The following COG6 variants were observed in gnomAD, a reference collection of about 807,000 sequenced individuals.
COG6 encodes the protein conserved oligomeric Golgi complex subunit 6.
In COG6, 74 loss-of-function variants were observed where a neutral mutation model predicts 88.8. That is an observed-to-expected ratio of 0.83 (90% CI 0.69 to 1.01). The LOEUF is 1.01. Ranked by LOEUF, COG6 falls within the 50% of genes least tolerant of loss-of-function variation. The pLI is 0.00. For missense variants in COG6, 800 were observed against 797.9 expected (o/e 1.00, Z -0.03); for synonymous variants, 286 against 278.7 (o/e 1.03, Z -0.26).
At chr13:39,749,889 A>C (rs1880529984) in intron 18 of COG6, among the ~76,000 whole-genome samples, 1 of 152,166 alleles carries the variant, frequency 6.6e-6, no homozygotes, top group South Asian at 2.1e-4. Flanking sequence ...GGTAAGAGAG[A>C]GATGTGATAG....
intron 7 of COG6, among the ~76,000 whole-genome samples, chr13:39,680,529 A>C (rs1876248827): frequency 6.6e-6 from 1 of 152,252 alleles, no homozygotes; most frequent in Non-Finnish European, 1.5e-5. Flanking sequence ...GTCAGAAATC[A>C]GATGTGGTTC....
rs75520063 is a variant in COG6, at chr13:39,700,435, A to C, written c.1284+817A>C. Among the ~76,000 whole-genome samples the C allele has an allele frequency of 3.8e-4, 57 of 151,856 alleles. 1 individual carries two copies. The East Asian group carries it at 9.3e-3, about 25-fold the overall frequency. On this transcript the variant is annotated intron_variant, in intron 13 of 18. Transcript: ENST00000455146. ...GTCTACTTCCTGACCCACATGCATGACTCAGATTCATTTGGAAAAGCAACA... is the reference window on the plus strand; with the variant it reads ...GTCTACTTCCTGACCCACATGCATGCCTCAGATTCATTTGGAAAAGCAACA...
At chr13:39,731,742 CTT>C (rs1207084061) in intron 18 of COG6, among the ~76,000 whole-genome samples, 2 of 151,712 alleles carry the variant, frequency 1.3e-5, no homozygotes, top group Non-Finnish European at 2.9e-5. Context: ...AAATTGAACA[CTT>C]TTTTTTCTTT....
intron 10 of COG6, 151 bp downstream of exon 10, chr13:39,687,950 C>G: frequency 1.5e-6 from 1 of 684,438 alleles, no homozygotes; most frequent in Non-Finnish European, 2.6e-6. Flanking sequence ...CTAGATTCTC[C>G]CTCATTCTGC....
At chr13:39,761,495 C>T (rs1347167297) in intron 18 of COG6, among the ~76,000 whole-genome samples, 1 of 151,674 alleles carries the variant, frequency 6.6e-6, no homozygotes, top group Non-Finnish European at 1.5e-5. Flanking sequence ...TGGAGAAAAC[C>T]TCAAAAGCAT....
At chr13:39,679,187 T>C (rs1166392810) in intron 5 of COG6, among the ~76,000 whole-genome samples, 1 of 152,200 alleles carries the variant, frequency 6.6e-6, no homozygotes, top group Non-Finnish European at 1.5e-5. Context: ...ATAAGGTGTG[T>C]AATACACAAT....
intron 13 of COG6, among the ~76,000 whole-genome samples, chr13:39,700,972 G>A (rs1260994743): frequency 1.3e-5 from 2 of 151,828 alleles, no homozygotes; most frequent in Non-Finnish European, 2.9e-5. Context: ...ACATGAGTAT[G>A]AGTTACCTAT....
intron 17 of COG6, among the ~76,000 whole-genome samples, chr13:39,725,924 T>C (rs1593454540): frequency 6.6e-6 from 1 of 151,926 alleles, no homozygotes; most frequent in East Asian, 1.9e-4. Context: ...GTACCAAATA[T>C]ATGTTCCCTT....
intron 8 of COG6, among the ~76,000 whole-genome samples, chr13:39,684,739 C>CTA (rs1198488832): frequency 6.6e-6 from 1 of 152,222 alleles, no homozygotes; most frequent in East Asian, 1.9e-4. Flanking sequence ...CCAGATGGCA[C>CTA]TATATGAACT....
chr13:39,773,909 C>T (rs1881389495), intron 18 of COG6, among the ~76,000 whole-genome samples: 1 of 146,662 alleles, frequency 6.8e-6, no homozygotes, highest in Admixed American at 7.0e-5. Flanking sequence ...TAAATACTGA[C>T]CAAAATAAAC....
intron 18 of COG6, among the ~76,000 whole-genome samples, chr13:39,786,411 G>A (rs1417368718): frequency 6.6e-6 from 1 of 152,194 alleles, no homozygotes; most frequent in Non-Finnish European, 1.5e-5. Flanking sequence ...AAGGGCATGT[G>A]GTTCTAGGTG....
At chr13:39,713,850 T>G (rs1158938544) in intron 13 of COG6, among the ~76,000 whole-genome samples, 1 of 152,234 alleles carries the variant, frequency 6.6e-6, no homozygotes, top group Non-Finnish European at 1.5e-5. Context: ...TCCTTAGATT[T>G]TCTTTCTGTT....
At chr13:39,688,123 T>G (rs1257359710) in intron 10 of COG6, among the ~76,000 whole-genome samples, 1 of 152,176 alleles carries the variant, frequency 6.6e-6, no homozygotes, top group Non-Finnish European at 1.5e-5. Context: ...GCATGACACT[T>G]TAAAGGTACA....
intron 8 of COG6, among the ~76,000 whole-genome samples, chr13:39,684,302 G>T (rs550472277): frequency 1.8e-3 from 218 of 122,008 alleles, no homozygotes; most frequent in African/African-American, 6.7e-3. Flanking sequence ...AGGCTGGAGT[G>T]CAGTGACGCA....
chr13:39,674,915 C>T (rs1050590875), intron 4 of COG6, among the ~76,000 whole-genome samples: 3 of 151,986 alleles, frequency 2.0e-5, no homozygotes, highest in African/African-American at 4.8e-5. Context: ...CTATATCCCC[C>T]GAGGATAAGG....
At chr13:39,681,120 G>A (rs1276517874) in intron 7 of COG6, among the ~76,000 whole-genome samples, 1 of 152,188 alleles carries the variant, frequency 6.6e-6, no homozygotes, top group East Asian at 1.9e-4. Flanking sequence ...TTTAAAACAA[G>A]CAAGCATGGA....
At chr13:39,777,030 C>T (rs1881484203) in intron 18 of COG6, among the ~76,000 whole-genome samples, 1 of 152,104 alleles carries the variant, frequency 6.6e-6, no homozygotes, top group African/African-American at 2.4e-5. Flanking sequence ...CAATTGGTTC[C>T]ATCACCAAAT....
At chr13:39,657,621 C>A (rs1483545394) in intron 1 of COG6, among the ~76,000 whole-genome samples, 5 of 151,580 alleles carry the variant, frequency 3.3e-5, no homozygotes, top group Non-Finnish European at 7.4e-5. Context: ...AATAGTTTTA[C>A]TGTTTTTGTC....
intron 18 of COG6, among the ~76,000 whole-genome samples, chr13:39,776,561 A>G (rs1881469470): frequency 6.6e-6 from 1 of 152,224 alleles, no homozygotes; most frequent in Admixed American, 6.5e-5. Flanking sequence ...CCTTTGGAAA[A>G]TGAAGGAGAA....
Sources: gnomAD v4.1 joint callset for allele counts (sites outside exome capture counted in the v4.1 genomes callset) on GRCh38, gnomAD v4.1.1 for gene constraint, MANE v1.5 for transcripts, NCBI Gene and HGNC (gene_info 2026-07-23, HGNC 2026-07-21) for gene names.